FGF14: variants seen among roughly 807,000 people sequenced by gnomAD.
FGF14 encodes the protein fibroblast growth factor homologous factor 4.
A neutral mutation model predicts 25.5 loss-of-function variants in FGF14; 5 were observed. The observed-to-expected ratio is 0.20, with a 90% CI of 0.10 to 0.41. FGF14 has a LOEUF of 0.41. Among genes scored for constraint, FGF14 ranks in the 10% least tolerant of loss-of-function variants. FGF14 has a pLI of 1.00. For synonymous variants in FGF14, 138 were observed against 118.3 expected, an observed-to-expected ratio of 1.17 and a Z score of -1.08; for missense variants, 222 against 320.1, an observed-to-expected ratio of 0.69 and a Z score of 2.34.
intron 1 of FGF14, among the ~76,000 whole-genome samples, chr13:102,005,722 C>A (rs910087719): frequency 6.6e-6 from 1 of 152,114 alleles, no homozygotes; most frequent in Non-Finnish European, 1.5e-5. Context: ...AACACATAAA[C>A]CTGATATAAT....
chr13:102,035,867 G>A (rs987842509), intron 1 of FGF14, among the ~76,000 whole-genome samples: 2 of 152,082 alleles, frequency 1.3e-5, no homozygotes, highest in African/African-American at 2.4e-5. Context: ...AGGAAAATGT[G>A]CTAAAGACAA....
At chr13:102,351,180 T>C (rs1269282327) in intron 1 of FGF14, among the ~76,000 whole-genome samples, 6 of 152,102 alleles carry the variant, frequency 3.9e-5, no homozygotes, top group Non-Finnish European at 8.8e-5. Flanking sequence ...ATTTCTTTCC[T>C]ATGTGAATCA....
intron 1 of FGF14, among the ~76,000 whole-genome samples, chr13:102,228,100 C>T (rs551404595): frequency 7.2e-5 from 11 of 152,222 alleles, no homozygotes; most frequent in East Asian, 5.8e-4. Flanking sequence ...AATGGCAAAA[C>T]GGAAACATGC....
At chr13:101,843,438 T>C (rs2043291689) in intron 3 of FGF14, among the ~76,000 whole-genome samples, 1 of 151,984 alleles carries the variant, frequency 6.6e-6, no homozygotes, top group African/African-American at 2.4e-5. Context: ...TGCCTCCCAT[T>C]GATGCTCACT....
At chr13:102,034,507 C>T (rs770071379) in intron 1 of FGF14, among the ~76,000 whole-genome samples, 6 of 152,106 alleles carry the variant, frequency 3.9e-5, no homozygotes, top group Non-Finnish European at 8.8e-5. Context: ...TCTAATCCTC[C>T]GACTAGAGCT....
At chr13:101,942,620 G>A (rs553383882) in intron 1 of FGF14, among the ~76,000 whole-genome samples, 6 of 152,262 alleles carry the variant, frequency 3.9e-5, no homozygotes, top group South Asian at 4.1e-4. Flanking sequence ...GCAGTGGTCC[G>A]CATCAGTTCT....
At chr13:101,903,586 A>G (rs888479775) in intron 1 of FGF14, among the ~76,000 whole-genome samples, 1 of 152,162 alleles carries the variant, frequency 6.6e-6, no homozygotes, top group African/African-American at 2.4e-5. Context: ...ATACAGGAGA[A>G]TTGTAGCTTT....
intron 1 of FGF14, among the ~76,000 whole-genome samples, chr13:102,121,330 T>A (rs2045714611): frequency 6.6e-6 from 1 of 152,194 alleles, no homozygotes; most frequent in Non-Finnish European, 1.5e-5. Flanking sequence ...AAAATCTCCT[T>A]TGCCCAAGGG....
chr13:102,306,658 T>A (rs950234077), intron 1 of FGF14, among the ~76,000 whole-genome samples: 1 of 151,896 alleles, frequency 6.6e-6, no homozygotes, highest in African/African-American at 2.4e-5. Context: ...AATAATCACA[T>A]AAGTATTTCT....
At chr13:101,803,461 G>A (rs9652125) in intron 3 of FGF14, among the ~76,000 whole-genome samples, 29,240 of 151,996 alleles carry the variant, frequency 0.19, 2,948 homozygotes, top group Admixed American at 0.24. Flanking sequence ...CTGCAGAACT[G>A]TTCATTGTCA....
At chr13:101,936,289 AG>A (rs1283719005) in intron 1 of FGF14, among the ~76,000 whole-genome samples, 44 of 152,186 alleles carry the variant, frequency 2.9e-4, no homozygotes, top group African/African-American at 1.1e-3. Context: ...AGAATTTCAC[AG>A]TTGATTTATT....
chr13:101,766,228 T>A (rs920836295), intron 3 of FGF14, among the ~76,000 whole-genome samples: 1 of 152,146 alleles, frequency 6.6e-6, no homozygotes, highest in African/African-American at 2.4e-5. Flanking sequence ...AAAAATGAAT[T>A]GCATAGTTCC....
At chr13:102,231,450 T>A (rs1313493477) in intron 1 of FGF14, among the ~76,000 whole-genome samples, 3 of 152,184 alleles carry the variant, frequency 2.0e-5, no homozygotes, top group African/African-American at 7.2e-5. Flanking sequence ...AAAAATCATT[T>A]AAAGCAAGAG....
chr13:102,318,208 A>T (rs2056107732), intron 1 of FGF14, among the ~76,000 whole-genome samples: 1 of 152,156 alleles, frequency 6.6e-6, no homozygotes, highest in Non-Finnish European at 1.5e-5. Context: ...GGGAAGATCT[A>T]AACCCCTGGA....
intron 1 of FGF14, among the ~76,000 whole-genome samples, chr13:102,254,139 ATTAAG>A (rs2052331257): frequency 1.3e-5 from 2 of 152,230 alleles, no homozygotes; most frequent in African/African-American, 2.4e-5. Flanking sequence ...AAAACTGCTC[ATTAAG>A]TTAACAACCT....
At chr13:101,826,434 T>C (rs2042397001) in intron 3 of FGF14, among the ~76,000 whole-genome samples, 3 of 152,026 alleles carry the variant, frequency 2.0e-5, no homozygotes, top group African/African-American at 4.8e-5. Flanking sequence ...ACCAATGAAA[T>C]AGCTATCCCA....
intron 1 of FGF14, among the ~76,000 whole-genome samples, chr13:102,346,288 T>C (rs1375211179): frequency 6.6e-6 from 1 of 152,188 alleles, no homozygotes; most frequent in African/African-American, 2.4e-5. Context: ...ATAAACCATA[T>C]GGCTATTATA....
chr13:102,152,063 C>A (rs77180637), intron 1 of FGF14, among the ~76,000 whole-genome samples: 3,633 of 152,114 alleles, frequency 0.024, 149 homozygotes, highest in African/African-American at 0.083. Flanking sequence ...TTCATTCTAC[C>A]CAATACGAAG....
At chr13:101,896,451 T>A (rs1404490803) in intron 1 of FGF14, among the ~76,000 whole-genome samples, 1 of 152,182 alleles carries the variant, frequency 6.6e-6, no homozygotes, top group African/African-American at 2.4e-5. Context: ...CTATGGGTCA[T>A]ATCCGCAGAC....
Sources: gnomAD v4.1 joint callset for allele counts (sites outside exome capture counted in the v4.1 genomes callset) on GRCh38, gnomAD v4.1.1 for gene constraint, MANE v1.5 for transcripts, NCBI Gene and HGNC (gene_info 2026-07-23, HGNC 2026-07-21) for gene names.